The following CCSER1 variants were observed in gnomAD, a reference collection of about 807,000 sequenced individuals.
CCSER1 encodes the protein coiled-coil serine rich protein 1, also known as serine-rich coiled-coil domain-containing protein 1.
Under a neutral mutation model 82.0 loss-of-function variants are expected in CCSER1, and 41 were observed. The observed-to-expected ratio is 0.50, with a 90% CI of 0.39 to 0.65. The LOEUF (loss-of-function observed/expected upper bound fraction) is 0.65. CCSER1 is among the 30% of genes least tolerant of loss of function. The probability of loss-of-function intolerance (pLI) is 0.00; values close to 1 mark genes in which losing one functional copy is unlikely to be tolerated. For missense variants in CCSER1, 1,119 were observed against 1,064.2 expected (o/e 1.05, Z -0.72); for synonymous variants, 414 against 383.9 (o/e 1.08, Z -0.92).
At chr4:91,198,374 G>T (rs1735623838) in intron 10 of CCSER1, among the ~76,000 whole-genome samples, 2 of 152,008 alleles carry the variant, frequency 1.3e-5, no homozygotes. Context: ...AAAAAGTATG[G>T]TGTTAATTTT....
intron 10 of CCSER1, among the ~76,000 whole-genome samples, chr4:91,138,627 A>T (rs1728712717): frequency 9.5e-6 from 1 of 105,600 alleles, no homozygotes; most frequent in African/African-American, 3.7e-5. Flanking sequence ...AGCAAAAGAA[A>T]CTACCATCAG....
chr4:91,346,261 T>C (rs2149293491), intron 10 of CCSER1, among the ~76,000 whole-genome samples: 1 of 152,180 alleles, frequency 6.6e-6, no homozygotes, highest in Admixed American at 6.6e-5. Context: ...GTGACCCGCC[T>C]ACCTCAGCCT....
At position 91,351,063 on chromosome 4, in the gene CCSER1, C is replaced by G. The variant is rs141527757; in HGVS notation, c.2218-247509C>G. Reference sequence around the variant, plus strand: ...TTTAAATATGATTTAAAGCAGCTTACTATGGTACTGACTAGGTTAGATGGG... The same window carrying G: ...TTTAAATATGATTTAAAGCAGCTTAGTATGGTACTGACTAGGTTAGATGGG... On this transcript the variant is annotated intron_variant, in intron 10 of 10. Transcript: ENST00000509176. 8.5e-3 allele frequency among the ~76,000 whole-genome samples: 1,295 copies of G among 151,990 alleles called. 19 individuals carry two copies. The highest frequency in any genetic ancestry group is 0.029 in the African/African-American group (1,217 of 41,510).
chr4:91,085,381 CTCTT>C (rs1261230442), intron 9 of CCSER1, among the ~76,000 whole-genome samples: 2 of 152,036 alleles, frequency 1.3e-5, no homozygotes, highest in South Asian at 4.1e-4. Flanking sequence ...AAAAGAATAA[CTCTT>C]TCTTCTTTTA....
At chr4:91,301,748 G>A (rs574737092) in intron 10 of CCSER1, among the ~76,000 whole-genome samples, 1 of 151,816 alleles carries the variant, frequency 6.6e-6, no homozygotes, top group Non-Finnish European at 1.5e-5. Context: ...AAGCACCAAG[G>A]TTTAGATCGT....
chr4:91,154,900 A>T (rs1730653357), intron 10 of CCSER1, among the ~76,000 whole-genome samples: 1 of 151,952 alleles, frequency 6.6e-6, no homozygotes, highest in Non-Finnish European at 1.5e-5. Flanking sequence ...CAGATGAGGA[A>T]GTAGGGGCAC....
intron 10 of CCSER1, among the ~76,000 whole-genome samples, chr4:91,272,181 G>C (rs556278092): frequency 3.3e-5 from 5 of 152,262 alleles, no homozygotes; most frequent in African/African-American, 1.2e-4. Flanking sequence ...TCTCCACACT[G>C]TTTTCCATAG....
At chr4:90,589,646 A>G (rs1782455063) in intron 5 of CCSER1, among the ~76,000 whole-genome samples, 1 of 152,146 alleles carries the variant, frequency 6.6e-6, no homozygotes, top group Non-Finnish European at 1.5e-5. Context: ...TTGCTATAAT[A>G]TGAGTTCATT....
At chr4:90,892,954 A>G (rs540536971) in intron 8 of CCSER1, among the ~76,000 whole-genome samples, 4 of 152,066 alleles carry the variant, frequency 2.6e-5, no homozygotes, top group Non-Finnish European at 5.9e-5. Context: ...CTGTATTAAT[A>G]CTGTGATTAC....
At chr4:91,139,963 T>G (rs1728870178) in intron 10 of CCSER1, among the ~76,000 whole-genome samples, 2 of 152,154 alleles carry the variant, frequency 1.3e-5, no homozygotes, top group South Asian at 4.1e-4. Context: ...AGAAATTACA[T>G]GTACCTTGGG....
intron 5 of CCSER1, among the ~76,000 whole-genome samples, chr4:90,479,524 C>T (rs1024718050): frequency 5.3e-5 from 8 of 152,130 alleles, no homozygotes; most frequent in East Asian, 3.9e-4. Context: ...TATCCCTCCC[C>T]GCTCCCCCCA....
intron 10 of CCSER1, among the ~76,000 whole-genome samples, chr4:91,480,402 C>T (rs1464245520): frequency 5.3e-5 from 8 of 152,314 alleles, no homozygotes; most frequent in South Asian, 2.1e-4. Flanking sequence ...TCTCCAGCAC[C>T]TGTTGTTTCC....
chr4:91,038,256 A>G (rs557843364), intron 9 of CCSER1, among the ~76,000 whole-genome samples: 1 of 152,318 alleles, frequency 6.6e-6, no homozygotes, highest in African/African-American at 2.4e-5. Flanking sequence ...CATTTCATTT[A>G]TAGTAAAGAA....
At chr4:90,898,099 A>G (rs1268096727) in intron 8 of CCSER1, among the ~76,000 whole-genome samples, 1 of 151,688 alleles carries the variant, frequency 6.6e-6, no homozygotes, top group African/African-American at 2.4e-5. Flanking sequence ...TGCTGTGCAT[A>G]GCTCTTTAGT....
chr4:91,201,811 A>C (rs1735922305), intron 10 of CCSER1, among the ~76,000 whole-genome samples: 1 of 152,070 alleles, frequency 6.6e-6, no homozygotes, highest in Non-Finnish European at 1.5e-5. Flanking sequence ...TCAGTAGAAT[A>C]AGCACTTTCT....
intron 10 of CCSER1, among the ~76,000 whole-genome samples, chr4:91,424,203 G>C (rs1172753420): frequency 2.6e-4 from 39 of 150,618 alleles, no homozygotes; most frequent in African/African-American, 9.3e-4. Context: ...ATTTTTAGTA[G>C]AGACGGGGTT....
intron 9 of CCSER1, among the ~76,000 whole-genome samples, chr4:91,073,862 T>G (rs1357871797): frequency 6.6e-6 from 1 of 152,072 alleles, no homozygotes; most frequent in Non-Finnish European, 1.5e-5. Flanking sequence ...ATTTTACCAC[T>G]CTGCAGAGAT....
intron 1 of CCSER1, among the ~76,000 whole-genome samples, chr4:90,206,472 G>A (rs867553454): frequency 6.6e-5 from 10 of 152,208 alleles, no homozygotes; most frequent in Admixed American, 2.0e-4. Flanking sequence ...AGTCTTTCAG[G>A]AGCAGGTTGT....
At chr4:91,582,293 TC>T (rs2110316297) in intron 10 of CCSER1, among the ~76,000 whole-genome samples, 1 of 151,692 alleles carries the variant, frequency 6.6e-6, no homozygotes, top group East Asian at 1.9e-4. Context: ...GACATTCAAA[TC>T]TTGTCTGAAC....
Sources: allele counts gnomAD v4.1 joint callset (sites outside exome capture counted in the v4.1 genomes callset), GRCh38; gene constraint gnomAD v4.1.1; transcripts MANE v1.5; gene names NCBI Gene and HGNC (gene_info 2026-07-23, HGNC 2026-07-21).